MCM3: variants seen among roughly 807,000 people sequenced by gnomAD.
The protein encoded by MCM3 is minichromosome maintenance complex component 3.
A neutral mutation model predicts 91.3 loss-of-function variants in MCM3; 59 were observed. The ratio of observed to expected loss-of-function variants is 0.65; its 90% confidence interval spans 0.52 to 0.80. The LOEUF (loss-of-function observed/expected upper bound fraction) is 0.80, where lower values mean the gene tolerates loss of function less well. Among genes scored for constraint, MCM3 ranks in the 30% least tolerant of loss-of-function variants. The pLI, the probability that MCM3 is intolerant of heterozygous loss-of-function variation, is 0.00. For synonymous variants in MCM3, 383 were observed against 379.6 expected (o/e 1.01, Z -0.10); for missense variants, 919 against 1,035.4 (o/e 0.89, Z 1.54).
At chr6:52,283,156 AAT>A in intron 2 of MCM3, 136 bp downstream of exon 2, 3 of 536,536 alleles carry the variant, frequency 5.6e-6, no homozygotes, top group Admixed American at 3.9e-5. Context: ...AAAAAAAAAA[AAT>A]AGGTGCAGGT....
At chr6:52,274,021 G>A (rs1765361044) in intron 9 of MCM3, 105 bp from the exon 10 acceptor site, 2 of 803,700 alleles carry the variant, frequency 2.5e-6, no homozygotes, top group Non-Finnish European at 3.9e-6. Flanking sequence ...TGACCTCAAA[G>A]AGCAAAACAG....
intron 12 of MCM3, among the ~76,000 whole-genome samples, chr6:52,270,141 T>C (rs1764985628): frequency 6.6e-6 from 1 of 152,062 alleles, no homozygotes; most frequent in East Asian, 1.9e-4. Flanking sequence ...CTGACCAACA[T>C]GGTGAAACCC....
In MCM3 at chr6:52,276,248, T is replaced by G. The variant is rs1301012829; in HGVS notation, c.1374+20A>C. On this transcript the variant is annotated intron_variant, in intron 9 of 16. Coordinates refer to ENST00000596288, the MANE Select transcript of MCM3 (RefSeq NM_002388.6). ...ACCAAATGAAGGTGAGGACAATGGTTGGGGCCTGATTCCACTTACCCTGCC... is the reference window on the plus strand; with the variant it reads ...ACCAAATGAAGGTGAGGACAATGGTGGGGGCCTGATTCCACTTACCCTGCC... 1 of 1,597,882 alleles carries G rather than the reference T, an allele frequency of 6.3e-7. No individual in the cohort carries two copies. Among genetic ancestry groups the G allele is most frequent in the Non-Finnish European group, 8.5e-7 (1 of 1,170,728 alleles).
intron 7 of MCM3, 79 bp from the exon 8 acceptor site, chr6:52,277,277 T>A: frequency 6.7e-7 from 1 of 1,490,916 alleles, no homozygotes; most frequent in Non-Finnish European, 9.2e-7. Flanking sequence ...AGCACAGCTC[T>A]TGACACAACA....
At chr6:52,266,032 T>A in intron 16 of MCM3, 43 bp downstream of exon 16, 1 of 1,562,392 alleles carries the variant, frequency 6.4e-7, no homozygotes. Context: ...TCCTCAGCGA[T>A]ACACAGAATT....
At position 52,284,570 on chromosome 6, in the gene MCM3, G is replaced by C. The variant is rs3087342; in HGVS notation, c.78+27C>G. 44 of 1,583,516 alleles carry C rather than the reference G, an allele frequency of 2.8e-5. No individual in the cohort carries two copies. The African/African-American group carries it at 4.6e-4, about 16-fold the overall frequency. ...GCGTCCGCAGGGGCTCCGAGCGCTA[G>C]AGCCCGCGCGCCGGCGCCTCCCTCA... On this transcript the variant is annotated intron_variant, in intron 1 of 16. Transcript: ENST00000596288.
At chr6:52,271,981 GAA>G (rs1442809026) in intron 12 of MCM3, among the ~76,000 whole-genome samples, 1 of 152,158 alleles carries the variant, frequency 6.6e-6, no homozygotes, top group African/African-American at 2.4e-5. Flanking sequence ...TGAGCTCTTT[GAA>G]AAGAGTGTTT....
At chr6:52,282,322 T>A in intron 3 of MCM3, 147 bp from the exon 4 acceptor site, 1 of 718,086 alleles carries the variant, frequency 1.4e-6, no homozygotes, top group African/African-American at 1.8e-5. Flanking sequence ...TTATTCACTT[T>A]TTTATTTATA....
At chr6:52,266,738 G>C (rs1306560115) in intron 14 of MCM3, 42 bp from the exon 15 acceptor site, 8 of 1,515,362 alleles carry the variant, frequency 5.3e-6, no homozygotes, top group Non-Finnish European at 5.5e-6. Flanking sequence ...AGAGTTTGGA[G>C]ACAGAAAGGC....
At position 52,273,612 on chromosome 6, in the gene MCM3, T is replaced by G. The variant is rs1047921224; in HGVS notation, c.1549+130A>C. The G allele has an allele frequency of 5.2e-6, 5 of 970,798 alleles. No individual in the cohort carries two copies. The South Asian group carries it at 8.4e-5, about 16-fold the overall frequency. The allele number at this position is 970,798 out of a possible 1,614,324, so 60.1% of individuals were successfully genotyped here. A position where few individuals can be genotyped will look rare whatever the true frequency, so the allele number is the denominator to read the frequency against. On this transcript the variant is annotated intron_variant, in intron 10 of 16. Transcript: ENST00000596288. ...CCACTAAGCAAGAAGGGGAGGTGGCTAAACAGTTGAGGGCTCTTCAACATC... is the reference window on the plus strand; with the variant it reads ...CCACTAAGCAAGAAGGGGAGGTGGCGAAACAGTTGAGGGCTCTTCAACATC...
chr6:52,266,268 T>G, intron 15 of MCM3, 124 bp from the exon 16 acceptor site: 2 of 759,182 alleles, frequency 2.6e-6, no homozygotes, highest in South Asian at 3.1e-5. Flanking sequence ...TCCTATTTCC[T>G]AGGGTTCTTA....
Position 52,277,611 on chromosome 6 carries a change from G to A in MCM3, c.957C>T (p.Cys319=), listed in dbSNP as rs763226161. 1.9e-6 allele frequency: 3 copies of A among 1,613,762 alleles called. No homozygotes were observed. Among genetic ancestry groups the A allele is most frequent in the Non-Finnish European group, 1.7e-6 (2 of 1,179,840 alleles). The change falls in exon 7 of 17, where the codon TGC becomes TGT. Residue 319 remains cysteine, a synonymous_variant. Coordinates refer to ENST00000596288, the MANE Select transcript of MCM3 (RefSeq NM_002388.6). ...GHDYVKKAIL[C]LLLGGVERDL... ...CTCGTTCCACCCCTCCCAAGAGCAAGCAGAGGATTGCTTTCTTGACATAGT... is the reference window on the plus strand; with the variant it reads ...CTCGTTCCACCCCTCCCAAGAGCAAACAGAGGATTGCTTTCTTGACATAGT...
Position 52,269,232 on chromosome 6 carries a change from G to C in MCM3, c.1828-6C>G, listed in dbSNP as rs752725387. 6.2e-7 allele frequency: 1 copy of C among 1,604,004 alleles called. No homozygotes were observed. The highest frequency in any genetic ancestry group is 1.7e-5 in the Admixed American group (1 of 59,758). On this transcript the variant is annotated splice_polypyrimidine_tract_variant and splice_region_variant and intron_variant, in intron 12 of 16. Transcript: ENST00000596288. ...CGGGCTGTAACTGGAGATGTCTAGG[G>C]AAGAAAAGGGAGGATTGCTTATCCC...
At position 52,266,112 on chromosome 6, in the gene MCM3, T is replaced by TCTC; in HGVS notation, c.2188_2190dup (p.Glu730dup). ...AACTCCACTTTCTGGGATTCCTTGG[T>TCTC]CTCCTGTGAGTCTGCCGTCTTTGGA... On this transcript the variant is annotated inframe_insertion, in exon 16 of 17. Transcript: ENST00000596288. 1 of 1,614,120 alleles carries TCTC rather than the reference T, an allele frequency of 6.2e-7. No individual in the cohort carries two copies. The highest frequency in any genetic ancestry group is 8.5e-7 in the Non-Finnish European group (1 of 1,179,988).
intron 14 of MCM3, among the ~76,000 whole-genome samples, chr6:52,267,528 C>A (rs1764738399): frequency 7.3e-6 from 1 of 136,288 alleles, no homozygotes; most frequent in Non-Finnish European, 1.6e-5. Flanking sequence ...GAACTTACTA[C>A]TTTTTTTTTT....
intron 9 of MCM3, among the ~76,000 whole-genome samples, chr6:52,275,331 T>G (rs1003587422): frequency 6.6e-6 from 1 of 152,248 alleles, no homozygotes; most frequent in Non-Finnish European, 1.5e-5. Context: ...TTTTCAAGTT[T>G]GTGGCTCTTG....
chr6:52,283,459 T>C, intron 1 of MCM3, 53 bp from the exon 2 acceptor site: 1 of 1,295,168 alleles, frequency 7.7e-7, no homozygotes, highest in Non-Finnish European at 1.1e-6. Context: ...AAACAATGTT[T>C]CTAAACAGAA....
chr6:52,278,949 T>A, intron 5 of MCM3, 99 bp from the exon 6 acceptor site: 1 of 740,604 alleles, frequency 1.4e-6, no homozygotes, highest in Non-Finnish European at 2.2e-6. Flanking sequence ...GCTGCCAAAC[T>A]AGACCAGCCA....
chr6:52,284,694 C>T lies in MCM3; in HGVS notation c.-20G>A. ...CGCCATGCCCGCTGCCAAAGAACTA[C>T]CTCCACCAAAGTCGCGTGGAGGTTC... is the stretch of plus-strand genomic sequence containing the variant. On this transcript the variant is annotated 5_prime_UTR_variant, in exon 1 of 17. Transcript: ENST00000596288. 1 of 1,602,296 alleles carries T rather than the reference C, an allele frequency of 6.2e-7. No homozygotes were observed. The highest frequency in any genetic ancestry group is 8.5e-7 in the Non-Finnish European group (1 of 1,175,438).
Sources: allele counts gnomAD v4.1 joint callset (sites outside exome capture counted in the v4.1 genomes callset), GRCh38; gene constraint gnomAD v4.1.1; transcripts MANE v1.5; gene names NCBI Gene and HGNC (gene_info 2026-07-23, HGNC 2026-07-21).